The following CRISPLD1 variants were observed in gnomAD, a reference collection of about 807,000 sequenced individuals.
The protein encoded by CRISPLD1 is cysteine-rich secretory protein LCCL domain-containing 1.
Under a neutral mutation model 77.5 loss-of-function variants are expected in CRISPLD1, and 60 were observed. The ratio of observed to expected loss-of-function variants is 0.77; its 90% CI spans 0.63 to 0.96. The LOEUF (loss-of-function observed/expected upper bound fraction) is 0.96. CRISPLD1 is among the 40% of genes least tolerant of loss of function. The pLI is 0.00. For missense variants in CRISPLD1, 623 were observed against 615.8 expected (o/e 1.01, Z -0.12); for synonymous variants, 195 against 200.1 (o/e 0.97, Z 0.22).
chr8:75,007,087 T>G (rs1006891732), intron 2 of CRISPLD1, among the ~76,000 whole-genome samples: 14 of 152,140 alleles, frequency 9.2e-5, no homozygotes, highest in Non-Finnish European at 2.1e-4. Flanking sequence ...TCAGACAAAT[T>G]CTTAGTTATT....
In CRISPLD1 at chr8:75,032,431, A is replaced by C. The variant is rs1563405862; in HGVS notation, c.*189A>C. 5 of 421,582 alleles carry C rather than the reference A, an allele frequency of 1.2e-5. No individual in the cohort carries two copies. The highest frequency in any genetic ancestry group is 2.1e-5 in the Non-Finnish European group (5 of 232,636). 26.1% of individuals were successfully genotyped at this position (421,582 alleles called of 1,614,324 possible). A position where few individuals can be genotyped will look rare whatever the true frequency, so the allele number is the denominator to read the frequency against. ...ATGGGACATTAGCTTTGGGAAAAGT[A>C]ATGAAAATATAATGGTTTTAGAAAT... On this transcript the variant is annotated 3_prime_UTR_variant, in exon 15 of 15. Transcript: ENST00000262207.
intron 2 of CRISPLD1, among the ~76,000 whole-genome samples, chr8:75,005,509 G>A (rs886429006): frequency 6.6e-6 from 1 of 151,998 alleles, no homozygotes; most frequent in Admixed American, 6.6e-5. Flanking sequence ...TATAATAAAA[G>A]AAGAAGAAAA....
chr8:75,004,390 A>C (rs1041769261), intron 2 of CRISPLD1, among the ~76,000 whole-genome samples: 3 of 152,224 alleles, frequency 2.0e-5, no homozygotes, highest in African/African-American at 7.2e-5. Flanking sequence ...AAAGCATCTC[A>C]CACTCTTTCA....
chr8:75,016,517 C>A (rs776026933), intron 6 of CRISPLD1, 48 bp from the exon 7 acceptor site: 4 of 1,510,280 alleles, frequency 2.6e-6, no homozygotes, highest in Non-Finnish European at 3.6e-6. Context: ...ATAATTCATG[C>A]ACATGTAAAA....
At chr8:75,029,222 C>T (rs766505120) in intron 13 of CRISPLD1, among the ~76,000 whole-genome samples, 165 bp from the exon 14 acceptor site, 3 of 152,156 alleles carry the variant, frequency 2.0e-5, no homozygotes, top group Non-Finnish European at 4.4e-5. Flanking sequence ...GACTTTGTGA[C>T]GTTTCAAACA....
At position 75,012,933 on chromosome 8, in the gene CRISPLD1, G is replaced by T. The variant is rs1563398381; in HGVS notation, c.421G>T (p.Val141Leu). The T allele has an allele frequency of 6.2e-7, 1 of 1,612,938 alleles. No individual in the cohort carries two copies. The highest frequency in any genetic ancestry group is 1.7e-5 in the Admixed American group (1 of 59,890). The change falls in exon 4 of 15, where the codon GTG becomes TTG. Residue 141 changes from valine (V) to leucine (L), a missense_variant. Transcript: ENST00000262207. ...TCATGTACAATCGTGGTATGATGAAGTGAAAGACTTTAGCTACCCATATGA... is the reference window on the plus strand; with the variant it reads ...TCATGTACAATCGTGGTATGATGAATTGAAAGACTTTAGCTACCCATATGA... The part of the protein sequence containing the change: ...TFHVQSWYDE[V>L]KDFSYPYEHE...
At chr8:74,985,770 G>A (rs1345990261) in intron 1 of CRISPLD1, among the ~76,000 whole-genome samples, 156 bp from the exon 2 acceptor site, 1 of 152,154 alleles carries the variant, frequency 6.6e-6, no homozygotes, top group Admixed American at 6.5e-5. Flanking sequence ...AAATGGGTTG[G>A]AGATAAGTTA....
At chr8:75,023,411 A>AAT (rs1813174675) in intron 12 of CRISPLD1, among the ~76,000 whole-genome samples, 1 of 152,206 alleles carries the variant, frequency 6.6e-6, no homozygotes, top group Non-Finnish European at 1.5e-5. Context: ...CAGAAACCCC[A>AAT]AACAGCATCT....
chr8:75,021,732 A>G (rs1295669189), intron 12 of CRISPLD1, among the ~76,000 whole-genome samples: 2 of 152,192 alleles, frequency 1.3e-5, no homozygotes, highest in Admixed American at 6.5e-5. Context: ...CAAGACCCCT[A>G]CACTTACAGA....
At chr8:75,027,628 A>G (rs891648953) in intron 13 of CRISPLD1, among the ~76,000 whole-genome samples, 2 of 152,186 alleles carry the variant, frequency 1.3e-5, no homozygotes. Context: ...TATAAAGATT[A>G]CTGTCAAATA....
intron 12 of CRISPLD1, among the ~76,000 whole-genome samples, chr8:75,022,716 A>G (rs1404044285): frequency 1.3e-5 from 2 of 152,094 alleles, no homozygotes; most frequent in African/African-American, 2.4e-5. Context: ...AGAATTTCAT[A>G]TGACTTAAGT....
chr8:74,998,504 A>G (rs1812679910), intron 2 of CRISPLD1, among the ~76,000 whole-genome samples: 1 of 151,926 alleles, frequency 6.6e-6, no homozygotes, highest in Non-Finnish European at 1.5e-5. Context: ...GTCCTTCAAC[A>G]TGGTGAAATG....
At chr8:75,014,155 A>C (rs1430341361) in intron 5 of CRISPLD1, 53 bp downstream of exon 5, 4 of 1,139,370 alleles carry the variant, frequency 3.5e-6, no homozygotes, top group Non-Finnish European at 5.3e-6. Flanking sequence ...ACAAAATGAA[A>C]ATACCTTTAC....
At chr8:75,015,866 C>G (rs1813018888) in intron 6 of CRISPLD1, among the ~76,000 whole-genome samples, 1 of 152,084 alleles carries the variant, frequency 6.6e-6, no homozygotes, top group Admixed American at 6.6e-5. Context: ...TGACCATTAT[C>G]TTTTACTTAA....
intron 14 of CRISPLD1, among the ~76,000 whole-genome samples, chr8:75,030,680 A>AGGTG (rs1813319546): frequency 6.8e-6 from 1 of 146,466 alleles, no homozygotes; most frequent in African/African-American, 2.5e-5. Context: ...CCGGAGATAT[A>AGGTG]TGTGTGTGTG....
At position 75,017,127 on chromosome 8, in the gene CRISPLD1, A is replaced by AGTGTTATAAAG. The variant is rs779750749; in HGVS notation, c.996+14_996+15insGTGTTATAAAG. ...CATTATGAAATGGTAAGTGTTATAA[A>AGTGTTATAAAG]TGTAATTATTTGAGGATAGAGTCAT... On this transcript the variant is annotated intron_variant, in intron 9 of 14. Coordinates refer to ENST00000262207, the MANE Select transcript of CRISPLD1 (RefSeq NM_031461.6). The AGTGTTATAAAG allele has an allele frequency of 3.7e-6, 6 of 1,600,006 alleles. No individual in the cohort carries two copies. Among genetic ancestry groups the AGTGTTATAAAG allele is most frequent in the Non-Finnish European group, 3.4e-6 (4 of 1,168,264 alleles).
intron 2 of CRISPLD1, among the ~76,000 whole-genome samples, chr8:75,005,438 G>A (rs1450165825): frequency 6.6e-6 from 1 of 151,944 alleles, no homozygotes; most frequent in Non-Finnish European, 1.5e-5. Flanking sequence ...ACTCTTCCAG[G>A]GTGTTTCATG....
chr8:75,022,952 T>C (rs370452873), intron 12 of CRISPLD1, among the ~76,000 whole-genome samples: 2 of 152,054 alleles, frequency 1.3e-5, no homozygotes, highest in South Asian at 4.2e-4. Context: ...AGAAATGTTA[T>C]CCAGTTTTAC....
chr8:75,023,845 T>C (rs976739261), intron 12 of CRISPLD1, among the ~76,000 whole-genome samples: 7 of 152,074 alleles, frequency 4.6e-5, no homozygotes, highest in African/African-American at 1.4e-4. Flanking sequence ...AAAAGTAAAG[T>C]GCCATTTGAC....
Sources: allele counts gnomAD v4.1 joint callset (sites outside exome capture counted in the v4.1 genomes callset), GRCh38; gene constraint gnomAD v4.1.1; transcripts MANE v1.5; gene names NCBI Gene and HGNC (gene_info 2026-07-23, HGNC 2026-07-21).